Variants in ALB observed in about 807,000 individuals in gnomAD.
ALB encodes the protein albumin.
Under a neutral mutation model 74.5 loss-of-function variants are expected in ALB, and 37 were observed. The ratio of observed to expected loss-of-function variants is 0.50; its 90% CI spans 0.38 to 0.65. The LOEUF (loss-of-function observed/expected upper bound fraction) is 0.65, where lower values mean the gene tolerates loss of function less well. Ranked by LOEUF, ALB falls within the 30% of genes least tolerant of loss-of-function variation. The pLI is 0.00. For synonymous variants in ALB, 249 were observed against 251.6 expected, an observed-to-expected ratio of 0.99 and a Z score of 0.10; for missense variants, 685 against 718.7, an observed-to-expected ratio of 0.95 and a Z score of 0.54.
At chr4:73,411,954 A>T (rs1469384725) in intron 6 of ALB, 42 bp from the exon 7 acceptor site, 6 of 1,612,904 alleles carry the variant, frequency 3.7e-6, no homozygotes, top group Non-Finnish European at 5.1e-6. Flanking sequence ...CATATAAAAT[A>T]TCGCATGATA....
intron 8 of ALB, among the ~76,000 whole-genome samples, 191 bp downstream of exon 8, chr4:73,413,825 A>G (rs1369304660): frequency 1.3e-5 from 2 of 152,324 alleles, no homozygotes; most frequent in African/African-American, 4.8e-5. Flanking sequence ...AAAATAATAC[A>G]TGTTCATGGC....
intron 9 of ALB, among the ~76,000 whole-genome samples, chr4:73,415,858 C>T (rs1718998952): frequency 1.3e-5 from 2 of 152,130 alleles, no homozygotes. Context: ...ATTTATTAAA[C>T]TTTTATTATA....
chr4:73,420,451 A>G (rs1367304660), intron 14 of ALB, 130 bp downstream of exon 14: 2 of 522,946 alleles, frequency 3.8e-6, no homozygotes, highest in African/African-American at 2.0e-5. Flanking sequence ...GTATGTAAAT[A>G]TTAGCTTTTA....
At position 73,413,614 on chromosome 4, in the gene ALB, A is replaced by G. The variant is rs1163406235; in HGVS notation, c.1038A>G (p.Ala346=). ...ATGTTTGCAAAAACTATGCTGAGGC[A>G]AAGGATGTCTTCCTGGGCATGTAAG... The part of the protein sequence containing the change: ...SKDVCKNYAE[A]KDVFLGMFLY... Residue 346 remains alanine (A), a synonymous_variant, in exon 8 of 15, where the codon GCA becomes GCG. Coordinates refer to ENST00000295897, the MANE Select transcript of ALB (RefSeq NM_000477.7). 14 of 1,613,952 alleles carry G rather than the reference A, an allele frequency of 8.7e-6. No individual in the cohort carries two copies. Among genetic ancestry groups the G allele is most frequent in the Non-Finnish European group, 1.2e-5 (14 of 1,179,948 alleles).
At position 73,405,162 on chromosome 4, in the gene ALB, T is replaced by C; in HGVS notation, c.126T>C (p.Asn42=). Residue 42 remains asparagine, a synonymous_variant, in exon 2 of 15, where the codon AAT becomes AAC. Coordinates refer to ENST00000295897, the MANE Select transcript of ALB (RefSeq NM_000477.7). ...GGTTTAAAGATTTGGGAGAAGAAAA[T>C]TTCAAAGCCTTGTAAGTTAAAATAT... ...AHRFKDLGEE[N]FKALVLIAFA... 1 of 1,612,272 alleles carries C rather than the reference T, an allele frequency of 6.2e-7. No homozygotes were observed. The highest frequency in any genetic ancestry group is 8.5e-7 in the Non-Finnish European group (1 of 1,178,476).
At chr4:73,415,918 C>T (rs1277530842) in intron 9 of ALB, among the ~76,000 whole-genome samples, 3 of 152,168 alleles carry the variant, frequency 2.0e-5, no homozygotes, top group African/African-American at 7.2e-5. Flanking sequence ...CAGAGCAGCT[C>T]TATGAGATGA....
intron 7 of ALB, among the ~76,000 whole-genome samples, chr4:73,412,743 C>T (rs560343580): frequency 1.1e-4 from 16 of 152,296 alleles, no homozygotes; most frequent in Non-Finnish European, 1.9e-4. Flanking sequence ...CCTTGCCCAG[C>T]CTAAGAAGAT....
At chr4:73,407,854 A>G (rs1283912627) in intron 3 of ALB, among the ~76,000 whole-genome samples, 3 of 152,200 alleles carry the variant, frequency 2.0e-5, no homozygotes, top group African/African-American at 7.2e-5. Context: ...GGGCAAGGCC[A>G]GTTTTTATCA....
intron 11 of ALB, 136 bp downstream of exon 11, chr4:73,417,805 G>A (rs1191792941): frequency 4.9e-6 from 4 of 808,948 alleles, no homozygotes; most frequent in African/African-American, 1.7e-5. Flanking sequence ...GTGCATGCAC[G>A]TGTGTGTATG....
chr4:73,417,281 G>A (rs1719035763), intron 10 of ALB, among the ~76,000 whole-genome samples: 1 of 152,048 alleles, frequency 6.6e-6, no homozygotes, highest in Non-Finnish European at 1.5e-5. Context: ...ATTTATTAAT[G>A]TCACTGAATT....
intron 8 of ALB, among the ~76,000 whole-genome samples, chr4:73,414,065 A>G (rs1324897427): frequency 2.0e-5 from 3 of 152,238 alleles, no homozygotes; most frequent in African/African-American, 7.2e-5. Flanking sequence ...AAAGAAATAT[A>G]GAGTCTGACA....
intron 12 of ALB, among the ~76,000 whole-genome samples, chr4:73,418,786 C>A (rs1379075442): frequency 1.3e-5 from 2 of 152,150 alleles, no homozygotes; most frequent in Non-Finnish European, 2.9e-5. Flanking sequence ...GCTCAACTCC[C>A]TATTGCTATC....
intron 6 of ALB, 27 bp downstream of exon 6, chr4:73,410,436 T>A: frequency 6.8e-7 from 1 of 1,479,104 alleles, no homozygotes; most frequent in Non-Finnish European, 9.5e-7. Context: ...ATAGTTGGCA[T>A]CTTTATAACG....
intron 12 of ALB, 63 bp downstream of exon 12, chr4:73,418,374 C>G: frequency 6.9e-7 from 1 of 1,452,782 alleles, no homozygotes; most frequent in Non-Finnish European, 9.5e-7. Flanking sequence ...TCAATTCAAG[C>G]TAGCAACTTT....
intron 6 of ALB, 137 bp from the exon 7 acceptor site, chr4:73,411,859 G>T (rs1718885325): frequency 1.8e-6 from 2 of 1,097,656 alleles, no homozygotes; most frequent in Non-Finnish European, 1.3e-6. Flanking sequence ...ATTTGGTTCA[G>T]AACTAGAACT....
Position 73,404,374 on chromosome 4 carries a change from C to T in ALB, c.47C>T (p.Ala16Val), listed in dbSNP as rs1332629192. 2 of 1,613,794 alleles carry T rather than the reference C, an allele frequency of 1.2e-6. No individual in the cohort carries two copies. The highest frequency in any genetic ancestry group is 1.7e-5 in the Admixed American group (1 of 60,010). Residue 16 changes from alanine to valine, a missense_variant, in exon 1 of 15, where the codon GCT (alanine) becomes GTT (valine). By Grantham distance (64) the Ala-to-Val change is moderately conservative. Coordinates refer to ENST00000295897, the MANE Select transcript of ALB (RefSeq NM_000477.7). ...FISLLFLFSS[A>V]YSRGVFRRDA... ...TCCCTTCTTTTTCTCTTTAGCTCGGCTTATTCCAGGGGTGTGTTTCGTCGA... is the reference window on the plus strand; with the variant it reads ...TCCCTTCTTTTTCTCTTTAGCTCGGTTTATTCCAGGGGTGTGTTTCGTCGA...
Position 73,406,638 on chromosome 4 carries a change from T to G in ALB, c.147T>G (p.Ile49Met), listed in dbSNP as rs1218457605. The change falls in exon 3 of 15, where the codon ATT becomes ATG. Residue 49 changes from isoleucine to methionine, a missense_variant. Transcript: ENST00000295897. ...ACATCCTTTGTTTCAGGGTGTTGAT[T>G]GCCTTTGCTCAGTATCTTCAGCAGT... is the stretch of plus-strand genomic sequence containing the variant. ...GEENFKALVL[I>M]AFAQYLQQCP... 1 of 1,613,704 alleles carries G rather than the reference T, an allele frequency of 6.2e-7. No individual in the cohort carries two copies. The highest frequency in any genetic ancestry group is 8.5e-7 in the Non-Finnish European group (1 of 1,179,934).
chr4:73,417,508 A>G (rs1719041944), intron 10 of ALB, 23 bp from the exon 11 acceptor site: 4 of 1,613,876 alleles, frequency 2.5e-6, no homozygotes, highest in Non-Finnish European at 3.4e-6. Flanking sequence ...CCTTGCTGAA[A>G]ACACATGACT....
chr4:73,415,872 A>G (rs1227308540), intron 9 of ALB, among the ~76,000 whole-genome samples: 1 of 152,174 alleles, frequency 6.6e-6, no homozygotes, highest in African/African-American at 2.4e-5. Flanking sequence ...TATTATATGC[A>G]AGGCACTGTT....
Sources: allele counts gnomAD v4.1 joint callset (sites outside exome capture counted in the v4.1 genomes callset), GRCh38; gene constraint gnomAD v4.1.1; transcripts MANE v1.5; gene names NCBI Gene and HGNC (gene_info 2026-07-23, HGNC 2026-07-21).